BRPF1: variants seen among roughly 807,000 people sequenced by gnomAD.
BRPF1 encodes the protein bromodomain and PHD finger containing 1, also known as peregrin.
In BRPF1, 15 loss-of-function variants were observed where a neutral mutation model predicts 115.0. The ratio of observed to expected loss-of-function variants is 0.13; its 90% CI spans 0.09 to 0.20. The LOEUF is 0.20. Among genes scored for constraint, BRPF1 ranks in the 10% least tolerant of loss-of-function variants. The probability of loss-of-function intolerance (pLI) is 1.00; values close to 1 mark genes in which losing one functional copy is unlikely to be tolerated. For missense variants in BRPF1, 1,118 were observed against 1,638.3 expected (o/e 0.68, Z 5.48); for synonymous variants, 647 against 619.8 (o/e 1.04, Z -0.65).
Position 9,745,567 on chromosome 3 carries a change from C to T in BRPF1, c.3069-6C>T. 6.2e-7 allele frequency: 1 copy of T among 1,613,950 alleles called. No individual in the cohort carries two copies. The highest frequency in any genetic ancestry group is 8.5e-7 in the Non-Finnish European group (1 of 1,179,818). On this transcript the variant is annotated splice_polypyrimidine_tract_variant and splice_region_variant and intron_variant, in intron 10 of 13. Transcript: ENST00000383829. The surrounding 1 kb of genome is among the most constrained non-coding windows in gnomAD (Gnocchi z 5.1). ...TTGAGCTGAGCTCCCATTGTCTTGT[C>T]CACAGCACAACGCCCTCAAAACAAG...
rs527503980 is a variant in BRPF1, at chr3:9,747,138, T to C, written c.3480-28T>C. ...CTGGTCCTTGTTCTCCCTGAGATGA[T>C]TTATTTGATCTTCACCTTATCCTAT... On this transcript the variant is annotated intron_variant, in intron 13 of 13. Transcript: ENST00000383829. This position sits in a 1 kb window ranked among gnomAD's most constrained non-coding sequence, Gnocchi z 5.6. 2 of 1,612,016 alleles carry C rather than the reference T, an allele frequency of 1.2e-6. No individual in the cohort carries two copies. Among genetic ancestry groups the C allele is most frequent in the Non-Finnish European group, 1.7e-6 (2 of 1,178,490 alleles).
rs1357952841 is a variant in BRPF1, at chr3:9,745,431, G to C, written c.3069-142G>C. Reference sequence around the variant, plus strand: ...TAGGTCATCAGCCTAGCCCCTGTGGGTGTTTGAATTTGAAATTCCTCATAT... The same window carrying C: ...TAGGTCATCAGCCTAGCCCCTGTGGCTGTTTGAATTTGAAATTCCTCATAT... On this transcript the variant is annotated intron_variant, in intron 10 of 13. Coordinates refer to ENST00000383829, the MANE Select transcript of BRPF1 (RefSeq NM_001003694.2). The surrounding 1 kb of genome is among the most constrained non-coding windows in gnomAD (Gnocchi z 5.1). 4.6e-6 allele frequency: 5 copies of C among 1,081,192 alleles called. No individual in the cohort carries two copies. The highest frequency in any genetic ancestry group is 3.1e-4 in the Middle Eastern group (1 of 3,262). The allele number at this position is 1,081,192 out of a possible 1,614,324, so 67.0% of individuals were successfully genotyped here. A position where few individuals can be genotyped will look rare whatever the true frequency, so the allele number is the denominator to read the frequency against.
At chr3:9,742,213 C>T (rs781123798) in intron 6 of BRPF1, 42 bp downstream of exon 6, 52 of 1,606,934 alleles carry the variant, frequency 3.2e-5, no homozygotes, top group Middle Eastern at 1.7e-4. Flanking sequence ...CTCTGTTCCT[C>T]TCCCAGTTGG....
In BRPF1 at chr3:9,743,982, C is replaced by T; in HGVS notation, c.2635+81C>T. On this transcript the variant is annotated intron_variant, in intron 8 of 13. Coordinates refer to ENST00000383829, the MANE Select transcript of BRPF1 (RefSeq NM_001003694.2). The surrounding 1 kb of genome is among the most constrained non-coding windows in gnomAD (Gnocchi z 6.1). ...CACACACTCAACCCCTGCCATTCCC[C>T]AGGCAGAGGTCCCTCCTACACAGCT... 1 of 1,452,730 alleles carries T rather than the reference C, an allele frequency of 6.9e-7. No individual in the cohort carries two copies. The highest frequency in any genetic ancestry group is 9.2e-7 in the Non-Finnish European group (1 of 1,087,376). The allele number at this position is 1,452,730 out of a possible 1,614,324, so 90.0% of individuals were successfully genotyped here.
At position 9,745,790 on chromosome 3, in the gene BRPF1, C is replaced by A. The variant is rs770139893; in HGVS notation, c.3206-22C>A. The A allele has an allele frequency of 4.3e-6, 7 of 1,612,220 alleles. No homozygotes were observed. Among genetic ancestry groups the A allele is most frequent in the Non-Finnish European group, 5.9e-6 (7 of 1,178,572 alleles). On this transcript the variant is annotated intron_variant, in intron 11 of 13. Coordinates refer to ENST00000383829, the MANE Select transcript of BRPF1 (RefSeq NM_001003694.2). This position sits in a 1 kb window ranked among gnomAD's most constrained non-coding sequence, Gnocchi z 5.1. The stretch of plus-strand genomic sequence containing the variant: ...CAGCCCCCCAGCTGCTGATCCACCC[C>A]CTCTCCCCCATTCCTGTGAAGTGGT...
rs372753144 is a variant in BRPF1 at position 9,740,983 on chromosome 3, A to AGG, written c.1722+46_1722+47dup. 1.8e-5 allele frequency: 28 copies of AGG among 1,575,904 alleles called. No homozygotes were observed. In the African/African-American group the frequency reaches 1.9e-4, roughly 11 times the overall value. On this transcript the variant is annotated intron_variant, in intron 4 of 13. Coordinates refer to ENST00000383829, the MANE Select transcript of BRPF1 (RefSeq NM_001003694.2). ...CCTGTGGGCTCTGGGAACTAGCGCC[A>AGG]GGGGGACGAAAACCAAAATTTGCAA...
At chr3:9,740,034 G>A in intron 3 of BRPF1, 76 bp downstream of exon 3, 2 of 1,457,942 alleles carry the variant, frequency 1.4e-6, no homozygotes, top group Non-Finnish European at 1.8e-6. Flanking sequence ...CCTCCTGAGT[G>A]GAATGGCAGG....
chr3:9,744,696 A>G (rs775336660), intron 9 of BRPF1, among the ~76,000 whole-genome samples, 188 bp downstream of exon 9: 1 of 152,198 alleles, frequency 6.6e-6, no homozygotes, highest in South Asian at 2.1e-4. Context: ...CGACCCAGCT[A>G]AAGTCCCATC....
In BRPF1 at chr3:9,747,378, G is replaced by C; in HGVS notation, c.*29G>C. 6.2e-7 allele frequency: 1 copy of C among 1,603,072 alleles called. No homozygotes were observed. Among genetic ancestry groups the C allele is most frequent in the African/African-American group, 1.3e-5 (1 of 74,864 alleles). ...TGCTCAACACAGCCCAACCTATAGT[G>C]CCCTGTGACTTCTCTCCTCCCCTTT... is the stretch of plus-strand genomic sequence containing the variant. On this transcript the variant is annotated 3_prime_UTR_variant, in exon 14 of 14. Coordinates refer to ENST00000383829, the MANE Select transcript of BRPF1 (RefSeq NM_001003694.2). The surrounding 1 kb of genome is among the most constrained non-coding windows in gnomAD (Gnocchi z 5.6).
rs1447732161 is a variant in BRPF1, at chr3:9,734,358, A to T, written c.218A>T (p.Lys73Met). 2 of 1,613,962 alleles carry T rather than the reference A, an allele frequency of 1.2e-6. No individual in the cohort carries two copies. Among genetic ancestry groups the T allele is most frequent in the African/African-American group, 2.7e-5 (2 of 74,894 alleles). Residue 73 changes from lysine to methionine, a missense_variant, in exon 2 of 14, where the codon AAG (lysine) becomes ATG (methionine). Lys to Met is a moderately conservative substitution (Grantham distance 95). Around this residue, in one of 10 missense-constraint regions of BRPF1, gnomAD observed 280 missense variants for 382.8 expected, o/e 0.73. Transcript: ENST00000383829. The surrounding 1 kb of genome is among the most constrained non-coding windows in gnomAD (Gnocchi z 5.7). ...KKGRQSRPAN[K>M]QSPSPSEVSQ... ...GGGCGCCAGTCACGCCCAGCCAACA[A>T]GCAGTCACCCAGCCCCTCAGAGGTC...
At chr3:9,738,877 A>T in intron 2 of BRPF1, 122 bp from the exon 3 acceptor site, 2 of 856,768 alleles carry the variant, frequency 2.3e-6, no homozygotes, top group Non-Finnish European at 3.5e-6. Context: ...GGTGAGGATG[A>T]AATGAGACAA....
chr3:9,732,975 A>T (rs1024561734), intron 1 of BRPF1, among the ~76,000 whole-genome samples: 1 of 152,038 alleles, frequency 6.6e-6, no homozygotes, highest in African/African-American at 2.4e-5. Context: ...TCACCCAGGA[A>T]TGTTGGGGAG....
At chr3:9,740,462 G>T (rs376975597) in intron 3 of BRPF1, among the ~76,000 whole-genome samples, 6 of 152,158 alleles carry the variant, frequency 3.9e-5, no homozygotes, top group South Asian at 2.1e-4. Flanking sequence ...CAAAGGCTCA[G>T]TCTCAGTGGG....
At chr3:9,746,186 A>C in intron 12 of BRPF1, 114 bp from the exon 13 acceptor site, 1 of 1,319,328 alleles carries the variant, frequency 7.6e-7, no homozygotes, top group South Asian at 1.5e-5. Context: ...TTGCAGTTCT[A>C]GTAGCATGAT....
Position 9,734,135 on chromosome 3 carries a change from G to C in BRPF1, c.-6G>C, listed in dbSNP as rs1559653913. The stretch of plus-strand genomic sequence containing the variant: ...TAACTGATCTGTGTATTCTAGATGT[G>C]ACAGCATGGGGGTGGACTTTGATGT... On this transcript the variant is annotated 5_prime_UTR_variant, in exon 2 of 14. It removes the in-frame stop codon of an upstream open reading frame in the 5' UTR. Transcript: ENST00000383829. The surrounding 1 kb of genome is among the most constrained non-coding windows in gnomAD (Gnocchi z 5.7). 6.3e-7 allele frequency: 1 copy of C among 1,594,592 alleles called. No individual in the cohort carries two copies. The highest frequency in any genetic ancestry group is 8.6e-7 in the Non-Finnish European group (1 of 1,168,884).
chr3:9,738,903 T>C (rs532818486), intron 2 of BRPF1, 96 bp from the exon 3 acceptor site: 39 of 1,152,614 alleles, frequency 3.4e-5, no homozygotes, highest in Non-Finnish European at 4.3e-5. Flanking sequence ...CTGAAGGGCA[T>C]AGGCACAGAG....
chr3:9,742,462 G>A (rs1044034449), intron 6 of BRPF1: 19 of 985,308 alleles, frequency 1.9e-5, no homozygotes, highest in Non-Finnish European at 2.0e-5. Context: ...ACCCTAGAAC[G>A]GAGACTTTAG....
chr3:9,736,066 C>T (rs1284482862), intron 2 of BRPF1, among the ~76,000 whole-genome samples: 1 of 118,574 alleles, frequency 8.4e-6, no homozygotes, highest in Non-Finnish European at 1.6e-5. Flanking sequence ...GGCTGGAGTG[C>T]AGTGGCGTGA....
Position 9,739,937 on chromosome 3 carries a change from T to C in BRPF1, c.1538T>C (p.Val513Ala). Residue 513 changes from valine (V) to alanine (A), a missense_variant, in exon 3 of 14, where the codon GTG becomes GCG. This residue lies in a region of BRPF1 where 178 missense variants were observed against 303.7 expected (regional missense o/e 0.59). Transcript: ENST00000383829. ...EKRAAAPVVS[V>A]PCIPPHRLSK... ...CGGGCAGCAGCACCTGTGGTGTCAG[T>C]GCCCTGCATCCCACCACACAGGTAT... The C allele has an allele frequency of 6.3e-7, 1 of 1,579,610 alleles. No homozygotes were observed. The highest frequency in any genetic ancestry group is 1.3e-5 in the African/African-American group (1 of 74,768).
Sources: allele counts gnomAD v4.1 joint callset (sites outside exome capture counted in the v4.1 genomes callset), GRCh38; gene constraint gnomAD v4.1.1; regional missense constraint gnomAD v4.1.1; non-coding constraint Gnocchi (gnomAD v3.1); transcripts MANE v1.5; gene names NCBI Gene and HGNC (gene_info 2026-07-23, HGNC 2026-07-21).